BCL7C: variants seen among roughly 807,000 people sequenced by gnomAD.
BCL7C encodes B-cell CLL/lymphoma 7 protein family member C.
A neutral mutation model predicts 26.2 loss-of-function variants in BCL7C; 8 were observed. The observed-to-expected ratio is 0.30, with a 90% confidence interval of 0.18 to 0.55. The LOEUF is 0.55. BCL7C is among the 20% of genes least tolerant of loss of function. The pLI, the probability that BCL7C is intolerant of heterozygous loss-of-function variation, is 0.93. For missense variants in BCL7C, 262 were observed against 298.5 expected (o/e 0.88, Z 0.90); for synonymous variants, 90 against 116.5 (o/e 0.77, Z 1.47).
intron 4 of BCL7C, 38 bp from the exon 5 acceptor site, chr16:30,888,983 A>G (rs1311184228): frequency 6.3e-7 from 1 of 1,591,460 alleles, no homozygotes; most frequent in Admixed American, 1.7e-5. Context: ...CTGAACAGCC[A>G]CTCTGTGCCA....
At chr16:30,887,739 A>T (rs1462842159), downstream of BCL7C, 5 of 1,442,990 alleles carry the variant, frequency 3.5e-6, no homozygotes, top group East Asian at 1.3e-4. Flanking sequence ...TGCATGAGAC[A>T]AAACTGTCTC....
chr16:30,834,624 G>A lies in BCL7C; in HGVS notation c.*324C>T, dbSNP rs767268223. ...GCGCCTCGCATGGCACACTCAGACC[G>A]CTGGGAGGGTGGCCGCATGGGTGCG... On this transcript the variant is annotated 3_prime_UTR_variant, in exon 6 of 6. Coordinates refer to the BCL7C transcript ENST00000380317. The surrounding 1 kb of genome is among the most constrained non-coding windows in gnomAD (Gnocchi z 4.3). 1.0e-5 allele frequency: 2 copies of A among 199,788 alleles called. No individual in the cohort carries two copies. The highest frequency in any genetic ancestry group is 5.8e-5 in the Admixed American group (1 of 17,312). The allele number at this position is 199,788 out of a possible 1,614,324, so 12.4% of individuals were successfully genotyped here.
intron 5 of BCL7C, among the ~76,000 whole-genome samples, chr16:30,871,871 A>G (rs868508820): frequency 2.6e-5 from 4 of 152,124 alleles, no homozygotes; most frequent in Non-Finnish European, 5.9e-5. Flanking sequence ...GTGAGACCAG[A>G]TGGACCCTAA....
intron 5 of BCL7C, among the ~76,000 whole-genome samples, chr16:30,836,578 G>A (rs1222158006): frequency 4.0e-5 from 6 of 150,304 alleles, no homozygotes; most frequent in Non-Finnish European, 7.4e-5. Context: ...CATCTCAAGC[G>A]ATCCTCCCAC....
At chr16:30,883,848 G>A (rs2055083266), downstream of BCL7C, among the ~76,000 whole-genome samples, 2 of 148,724 alleles carry the variant, frequency 1.3e-5, no homozygotes, top group African/African-American at 4.9e-5. Context: ...TCAAAGTGCC[G>A]GGCGCAGTGG....
chr16:30,882,214 C>A (rs1011691001), intron 5 of BCL7C, among the ~76,000 whole-genome samples: 1 of 152,148 alleles, frequency 6.6e-6, no homozygotes, highest in Non-Finnish European at 1.5e-5. Context: ...TTGCCTGCCT[C>A]GGCCTCCCAA....
At chr16:30,883,861 C>T (rs1015108189), downstream of BCL7C, among the ~76,000 whole-genome samples, 10 of 148,080 alleles carry the variant, frequency 6.8e-5, no homozygotes, top group African/African-American at 2.5e-4. Context: ...CGCAGTGGCT[C>T]AGGCCTGTAA....
intron 5 of BCL7C, among the ~76,000 whole-genome samples, chr16:30,866,573 T>C (rs113498332): frequency 3.6e-4 from 39 of 109,444 alleles, no homozygotes; most frequent in African/African-American, 1.2e-3. Context: ...CGAGACTGTC[T>C]GGAAAAAAAA....
intron 5 of BCL7C, among the ~76,000 whole-genome samples, chr16:30,856,385 G>A (rs2054721941): frequency 6.9e-6 from 1 of 145,518 alleles, no homozygotes; most frequent in Non-Finnish European, 1.5e-5. Context: ...AAGTTGCAGT[G>A]AGTCAAGATC....
chr16:30,847,978 G>C (rs1457211982), intron 5 of BCL7C, among the ~76,000 whole-genome samples: 1 of 151,826 alleles, frequency 6.6e-6, no homozygotes, highest in East Asian at 1.9e-4. Flanking sequence ...GACCAGTGAG[G>C]GGAGAATGTG....
At chr16:30,866,806 CACTTT>C (rs2054833747) in intron 5 of BCL7C, among the ~76,000 whole-genome samples, 1 of 152,096 alleles carries the variant, frequency 6.6e-6, no homozygotes, top group Non-Finnish European at 1.5e-5. Flanking sequence ...GTAATGCCAG[CACTTT>C]GGGAAGCTGA....
chr16:30,852,956 C>T (rs551587516), intron 5 of BCL7C, among the ~76,000 whole-genome samples: 5 of 151,084 alleles, frequency 3.3e-5, no homozygotes, highest in South Asian at 4.2e-4. Flanking sequence ...TTTTTTGATA[C>T]GGAGTTTTGC....
At chr16:30,875,494 G>A (rs1190143378) in intron 5 of BCL7C, 1 of 152,280 alleles carries the variant, frequency 6.6e-6, no homozygotes, top group Non-Finnish European at 1.5e-5. Context: ...AAGGTTGGAA[G>A]GGTCGCGGGG....
intron 5 of BCL7C, among the ~76,000 whole-genome samples, chr16:30,839,222 C>A (rs2054587535): frequency 6.6e-6 from 1 of 152,222 alleles, no homozygotes; most frequent in South Asian, 2.1e-4. Flanking sequence ...AGCCGAAGAG[C>A]TGACTGTGGC....
At chr16:30,842,329 T>A (rs2054607664) in intron 5 of BCL7C, among the ~76,000 whole-genome samples, 1 of 152,108 alleles carries the variant, frequency 6.6e-6, no homozygotes, top group Non-Finnish European at 1.5e-5. Flanking sequence ...AGAAAATAAA[T>A]TTCTGTTGTT....
At chr16:30,880,942 C>A (rs2055033817) in intron 5 of BCL7C, among the ~76,000 whole-genome samples, 2 of 152,108 alleles carry the variant, frequency 1.3e-5, no homozygotes, top group Non-Finnish European at 2.9e-5. Context: ...ACTCAAATGA[C>A]CTTCCTGCCT....
downstream of BCL7C, among the ~76,000 whole-genome samples, chr16:30,883,536 C>CTTTTTTTTTTTTTTTTTTTTTTTT: frequency 2.2e-5 from 1 of 45,438 alleles, no homozygotes; most frequent in Non-Finnish European, 3.8e-5. Flanking sequence ...GCCAAACTGG[C>CTTTTTTTTTTTTTTTTTTTTTTTT]TTTTTTTTTT....
intron 5 of BCL7C, among the ~76,000 whole-genome samples, chr16:30,870,828 G>A (rs887676211): frequency 2.0e-5 from 3 of 152,186 alleles, no homozygotes; most frequent in African/African-American, 7.2e-5. Flanking sequence ...CCTAAGGAGT[G>A]GCCAGAGCAG....
At chr16:30,863,672 C>T (rs894999095) in intron 5 of BCL7C, among the ~76,000 whole-genome samples, 1 of 152,178 alleles carries the variant, frequency 6.6e-6, no homozygotes, top group Non-Finnish European at 1.5e-5. Context: ...TACTCTCCCA[C>T]TGAAACTTTC....
Sources: allele counts gnomAD v4.1 joint callset (sites outside exome capture counted in the v4.1 genomes callset), GRCh38; gene constraint gnomAD v4.1.1; non-coding constraint Gnocchi (gnomAD v3.1); transcripts MANE v1.5; gene names NCBI Gene and HGNC (gene_info 2026-07-23, HGNC 2026-07-21).